OSBPL1A: variants seen among roughly 807,000 people sequenced by gnomAD.
OSBPL1A encodes oxysterol-binding protein-related protein 1.
A neutral mutation model predicts 137.1 loss-of-function variants in OSBPL1A; 80 were observed. That is an observed-to-expected ratio of 0.58 (90% CI 0.49 to 0.70). OSBPL1A has a LOEUF of 0.70. Ranked by LOEUF, OSBPL1A falls within the 30% of genes least tolerant of loss-of-function variation. OSBPL1A has a pLI of 0.00. For synonymous variants in OSBPL1A, 365 were observed against 389.7 expected (o/e 0.94, Z 0.75); for missense variants, 970 against 1,129.4 (o/e 0.86, Z 2.02).
intron 2 of OSBPL1A, among the ~76,000 whole-genome samples, chr18:24,376,068 T>A (rs534825479): frequency 1.3e-5 from 2 of 152,118 alleles, no homozygotes; most frequent in East Asian, 3.9e-4. Context: ...AGTAGCAAGA[T>A]TTATTGCGAA....
intron 16 of OSBPL1A, among the ~76,000 whole-genome samples, chr18:24,238,350 A>G (rs1599545019): frequency 6.6e-6 from 1 of 152,206 alleles, no homozygotes; most frequent in Non-Finnish European, 1.5e-5. Context: ...CTGATCTCCA[A>G]CCACCCCCTT....
intron 5 of OSBPL1A, 93 bp downstream of exon 5, chr18:24,341,454 C>A (rs74959539): frequency 2.6e-6 from 2 of 781,844 alleles, no homozygotes; most frequent in East Asian, 5.2e-5. Context: ...TGGTTATCCT[C>A]TGTTTTGTCC....
rs117006374 is a variant in OSBPL1A at position 24,300,429 on chromosome 18, C to T, written c.1174+3208G>A. ...GATTTTCAATGTAAAAAATTATGAT[C>T]CAAAAAGTACCTTTACAAAAAATTA... On this transcript the variant is annotated intron_variant, in intron 14 of 27. Coordinates refer to ENST00000319481, the MANE Select transcript of OSBPL1A (RefSeq NM_080597.4). Among the ~76,000 whole-genome samples the T allele has an allele frequency of 4.2e-3, 645 of 152,222 alleles. 2 individuals are homozygous for T. Among genetic ancestry groups the T allele is most frequent in the Non-Finnish European group, 6.5e-3 (441 of 67,994 alleles).
intron 16 of OSBPL1A, among the ~76,000 whole-genome samples, chr18:24,238,776 T>C (rs2088582036): frequency 6.6e-6 from 1 of 152,204 alleles, no homozygotes; most frequent in Non-Finnish European, 1.5e-5. Flanking sequence ...TGGTCTCACC[T>C]CTACTGTGGC....
chr18:24,377,015 AGCACAGAAAGGG>A (rs1221464087), intron 2 of OSBPL1A, among the ~76,000 whole-genome samples: 1 of 152,214 alleles, frequency 6.6e-6, no homozygotes, highest in Admixed American at 6.5e-5. Context: ...AGCCTTGGCC[AGCACAGAAAGGG>A]GCTCCCACAG....
At position 24,214,230 on chromosome 18, in the gene OSBPL1A, C is replaced by T. The variant is rs114698845; in HGVS notation, c.1601+10812G>A. On this transcript the variant is annotated intron_variant, in intron 17 of 27. Coordinates refer to ENST00000319481, the MANE Select transcript of OSBPL1A (RefSeq NM_080597.4). The stretch of plus-strand genomic sequence containing the variant: ...TTAAGTGAAAAGTGAGAGTAGATCA[C>T]GGTCGTTAGGACCTAAAGGAAACGG... 9.9e-3 allele frequency among the ~76,000 whole-genome samples: 1,503 copies of T among 152,280 alleles called. 27 individuals are homozygous for T. The highest frequency in any genetic ancestry group is 0.034 in the African/African-American group (1,432 of 41,552).
At position 24,375,181 on chromosome 18, in the gene OSBPL1A, G is replaced by A. The variant is rs111399815; in HGVS notation, c.121+2232C>T. Among the ~76,000 whole-genome samples the A allele has an allele frequency of 8.6e-4, 131 of 151,980 alleles. 1 individual carries two copies. The highest frequency in any genetic ancestry group is 3.2e-3 in the African/African-American group (131 of 41,456). ...AATACAAAAATTAGCCAGGCGTGGTGGCATGTGCTTGTAGTCCCAACTACT... is the reference window on the plus strand; with the variant it reads ...AATACAAAAATTAGCCAGGCGTGGTAGCATGTGCTTGTAGTCCCAACTACT... On this transcript the variant is annotated intron_variant, in intron 2 of 27. Transcript: ENST00000319481.
chr18:24,385,100 G>A (rs1786670), intron 1 of OSBPL1A, among the ~76,000 whole-genome samples: 107,304 of 150,994 alleles, frequency 0.71, 39,001 homozygotes, highest in African/African-American at 0.86. Context: ...GACTACAGGC[G>A]CCCGCCACCA....
rs1210865044 is a variant in OSBPL1A at position 24,181,202 on chromosome 18, C to T, written c.1755G>A (p.Glu585=). The T allele has an allele frequency of 6.2e-7, 1 of 1,613,980 alleles. No individual in the cohort carries two copies. The highest frequency in any genetic ancestry group is 8.5e-7 in the Non-Finnish European group (1 of 1,180,010). The part of the protein sequence containing the change: ...SFLQRLTEYM[E]HTYLIHKASS... Reference sequence around the variant, plus strand: ...TGGCCTTGTGGATGAGGTAAGTATGCTCCATGTATTCAGTTAGGCGCTGTA... The same window carrying T: ...TGGCCTTGTGGATGAGGTAAGTATGTTCCATGTATTCAGTTAGGCGCTGTA... The change falls in exon 19 of 28, where the codon GAG becomes GAA. Residue 585 remains glutamate (E), a synonymous_variant. Coordinates refer to ENST00000319481, the MANE Select transcript of OSBPL1A (RefSeq NM_080597.4).
chr18:24,184,370 CGTATTTAACT>C (rs151052433), intron 18 of OSBPL1A, among the ~76,000 whole-genome samples: 4,265 of 152,242 alleles, frequency 0.028, 149 homozygotes, highest in African/African-American at 0.088. Flanking sequence ...TCATTAAACA[CGTATTTAACT>C]GAACACCTAC....
chr18:24,183,682 C>T (rs1185795983), intron 18 of OSBPL1A, among the ~76,000 whole-genome samples: 3 of 152,034 alleles, frequency 2.0e-5, no homozygotes, highest in South Asian at 4.1e-4. Context: ...GTGATCCACC[C>T]GCCTCAGCCT....
intron 17 of OSBPL1A, among the ~76,000 whole-genome samples, chr18:24,224,470 G>GT (rs2088000268): frequency 1.3e-5 from 2 of 152,092 alleles, no homozygotes; most frequent in South Asian, 4.1e-4. Flanking sequence ...AGAACTGTGG[G>GT]TATCTATTAC....
chr18:24,212,213 G>A (rs893914965), intron 17 of OSBPL1A, among the ~76,000 whole-genome samples: 30 of 151,390 alleles, frequency 2.0e-4, no homozygotes, highest in African/African-American at 7.0e-4. Flanking sequence ...GACTAAAGGC[G>A]CACACCACCA....
chr18:24,165,825 A>G (rs1243459517), intron 26 of OSBPL1A, among the ~76,000 whole-genome samples: 2 of 152,202 alleles, frequency 1.3e-5, no homozygotes, highest in African/African-American at 4.8e-5. Context: ...GGCTGGGTAC[A>G]GTGGCTCAGC....
intron 1 of OSBPL1A, among the ~76,000 whole-genome samples, chr18:24,390,694 C>CAAAAAAAAAAAAAAA (rs751432894): frequency 2.1e-4 from 12 of 56,200 alleles, no homozygotes; most frequent in African/African-American, 5.7e-4. Flanking sequence ...GACTCCGTCT[C>CAAAAAAAAAAAAAAA]AAAAAAAAAA....
At position 24,366,925 on chromosome 18, in the gene OSBPL1A, C is replaced by T. The variant is rs756662383; in HGVS notation, c.249G>A (p.Thr83=). The change falls in exon 4 of 28, where the codon ACG becomes ACA. Residue 83 remains threonine (T), a synonymous_variant. Transcript: ENST00000319481. ...CTGTAAAGGCAGCTCGATGAAGCGGCGTGTCTCCCATGTCATTCAACACAT... is the reference window on the plus strand; with the variant it reads ...CTGTAAAGGCAGCTCGATGAAGCGGTGTGTCTCCCATGTCATTCAACACAT... ...EVNVLNDMGD[T]PLHRAAFTGR... The T allele has an allele frequency of 5.0e-6, 8 of 1,611,890 alleles. No homozygotes were observed. Among genetic ancestry groups the T allele is most frequent in the East Asian group, 2.2e-5 (1 of 44,750 alleles).
At chr18:24,276,637 GT>G (rs1052654326) in intron 15 of OSBPL1A, among the ~76,000 whole-genome samples, 2 of 151,814 alleles carry the variant, frequency 1.3e-5, no homozygotes, top group African/African-American at 4.8e-5. Context: ...TAGAAATGGG[GT>G]TTCACCATGT....
intron 15 of OSBPL1A, among the ~76,000 whole-genome samples, chr18:24,257,200 G>C (rs374435093): frequency 6.6e-6 from 1 of 152,064 alleles, no homozygotes; most frequent in African/African-American, 2.4e-5. Flanking sequence ...AACTAAACTG[G>C]AGGAATCATA....
intron 14 of OSBPL1A, among the ~76,000 whole-genome samples, chr18:24,292,111 A>T (rs1490345219): frequency 1.3e-5 from 2 of 152,098 alleles, no homozygotes; most frequent in Non-Finnish European, 2.9e-5. Context: ...ATCAGAAGTC[A>T]GAATAAATTG....
Sources: allele counts gnomAD v4.1 joint callset (sites outside exome capture counted in the v4.1 genomes callset), GRCh38; gene constraint gnomAD v4.1.1; transcripts MANE v1.5; gene names NCBI Gene and HGNC (gene_info 2026-07-23, HGNC 2026-07-21).